The following ARHGEF11 variants were observed in gnomAD, a reference collection of about 807,000 sequenced individuals.
The protein encoded by ARHGEF11 is Rho guanine exchange factor (GEF) 11.
In ARHGEF11, 55 loss-of-function variants were observed where a neutral mutation model predicts 193.7. That is an observed-to-expected ratio of 0.28 (90% CI 0.23 to 0.36). The LOEUF (loss-of-function observed/expected upper bound fraction) is 0.36, where lower values mean the gene tolerates loss of function less well. Among genes scored for constraint, ARHGEF11 ranks in the 10% least tolerant of loss-of-function variants. ARHGEF11 has a pLI of 1.00. For missense variants in ARHGEF11, 1,723 were observed against 2,005.6 expected (o/e 0.86, Z 2.69); for synonymous variants, 693 against 768.0 (o/e 0.90, Z 1.62).
At chr1:157,001,182 C>T (rs1021138100) in intron 1 of ARHGEF11, among the ~76,000 whole-genome samples, 10 of 152,138 alleles carry the variant, frequency 6.6e-5, no homozygotes, top group African/African-American at 2.4e-4. Flanking sequence ...CGTATTCTAC[C>T]GTGTGATCTG....
intron 1 of ARHGEF11, among the ~76,000 whole-genome samples, chr1:156,994,775 C>T (rs1033441385): frequency 2.0e-5 from 3 of 152,168 alleles, no homozygotes; most frequent in Admixed American, 2.0e-4. Flanking sequence ...CCTTTCTTGG[C>T]TATGTAGTCT....
Position 156,937,441 on chromosome 1 carries a change from G to C in ARHGEF11, c.4248C>G (p.His1416Gln). The part of the protein sequence containing the change: ...PSGPPDSSTD[H>Q]SEAPMSPPQP... ...GAGGGGGGCTCATGGGTGCCTCTGAGTGGTCGGTGCTTGAGTCCGGGGGTC... is the reference window on the plus strand; with the variant it reads ...GAGGGGGGCTCATGGGTGCCTCTGACTGGTCGGTGCTTGAGTCCGGGGGTC... The change falls in exon 39 of 41, where the codon CAC becomes CAG. Residue 1416 changes from histidine (H) to glutamine (Q), a missense_variant. Transcript: ENST00000368194. The C allele has an allele frequency of 6.4e-7, 1 of 1,568,010 alleles. No homozygotes were observed. Among genetic ancestry groups the C allele is most frequent in the Non-Finnish European group, 8.6e-7 (1 of 1,159,808 alleles).
intron 1 of ARHGEF11, among the ~76,000 whole-genome samples, chr1:156,996,859 ATTT>A (rs60592654): frequency 1.4e-4 from 13 of 93,852 alleles, no homozygotes; most frequent in East Asian, 1.1e-3. Flanking sequence ...CTCTCTCTCT[ATTT>A]TTTTTTTTTT....
intron 1 of ARHGEF11, among the ~76,000 whole-genome samples, chr1:157,022,857 G>C (rs764273341): frequency 3.3e-5 from 5 of 152,148 alleles, no homozygotes; most frequent in Non-Finnish European, 7.4e-5. Context: ...TCACATTTAT[G>C]GGTCCACTGA....
chr1:156,981,768 C>T (rs1664215208), intron 3 of ARHGEF11, among the ~76,000 whole-genome samples: 1 of 152,216 alleles, frequency 6.6e-6, no homozygotes, highest in Admixed American at 6.5e-5. Context: ...TGTCACCTCG[C>T]CCAGCCTCAC....
At chr1:157,022,045 C>A (rs1377652477) in intron 1 of ARHGEF11, among the ~76,000 whole-genome samples, 2 of 152,172 alleles carry the variant, frequency 1.3e-5, no homozygotes, top group African/African-American at 2.4e-5. Context: ...AATCCTCTAC[C>A]TGATGAACAT....
At chr1:157,044,204 G>T in intron 1 of ARHGEF11, 95 bp downstream of exon 1, 2 of 1,191,672 alleles carry the variant, frequency 1.7e-6, no homozygotes, top group Non-Finnish European at 2.5e-6. Flanking sequence ...AGCCCACCCA[G>T]ACCCCTATTT....
At chr1:156,965,819 G>GA (rs1332793786) in intron 11 of ARHGEF11, among the ~76,000 whole-genome samples, 2 of 152,160 alleles carry the variant, frequency 1.3e-5, no homozygotes, top group African/African-American at 4.8e-5. Flanking sequence ...CTTAGGCCAT[G>GA]ATCCTCTCTT....
chr1:157,012,312 C>T (rs951216455), intron 1 of ARHGEF11, among the ~76,000 whole-genome samples: 9 of 152,012 alleles, frequency 5.9e-5, no homozygotes, highest in Non-Finnish European at 7.4e-5. Flanking sequence ...AGATTAATGG[C>T]TAACTGGGGC....
chr1:156,964,611 CT>C lies in ARHGEF11; in HGVS notation c.964-1018del, dbSNP rs1474461844. The stretch of plus-strand genomic sequence containing the variant: ...TTTATGGTCTCTATGCCCAGAATGA[CT>C]GAGTCACAGAACATGAGCGGCCCAG... On this transcript the variant is annotated intron_variant, in intron 11 of 40. Coordinates refer to ENST00000368194, the MANE Select transcript of ARHGEF11 (RefSeq NM_198236.3). Among the ~76,000 whole-genome samples, 7 of 152,280 alleles carry C rather than the reference CT, an allele frequency of 4.6e-5. No individual in the cohort carries two copies. In the East Asian group the frequency reaches 1.3e-3, roughly 29 times the overall value.
chr1:157,020,772 CA>C (rs1023966203), intron 1 of ARHGEF11, among the ~76,000 whole-genome samples: 134 of 152,266 alleles, frequency 8.8e-4, no homozygotes, highest in African/African-American at 3.2e-3. Context: ...AATGAATGGT[CA>C]TTTTTTTCCT....
rs1658226338 is a variant in ARHGEF11, at chr1:156,946,854, G to A, written c.2569-67C>T. 4.3e-6 allele frequency: 5 copies of A among 1,162,704 alleles called. No individual in the cohort carries two copies. In the Admixed American group the frequency reaches 1.1e-4, roughly 25 times the overall value. 72.0% of individuals were successfully genotyped at this position (1,162,704 alleles called of 1,614,324 possible). ...TGCCTGGGACCAGACCCCTGCCTTT[G>A]CCAAATTCTCTGGCCTTGGGTAATG... On this transcript the variant is annotated intron_variant, in intron 27 of 40. Coordinates refer to ENST00000368194, the MANE Select transcript of ARHGEF11 (RefSeq NM_198236.3).
At chr1:156,972,860 T>C (rs140751216) in intron 7 of ARHGEF11, among the ~76,000 whole-genome samples, 2 of 152,342 alleles carry the variant, frequency 1.3e-5, no homozygotes, top group African/African-American at 4.8e-5. Flanking sequence ...TGGGCTCTTC[T>C]TGGGCACTGT....
At chr1:157,013,263 T>TCACACACACACACACACACACACACACA (rs71084208) in intron 1 of ARHGEF11, among the ~76,000 whole-genome samples, 1 of 140,708 alleles carries the variant, frequency 7.1e-6, no homozygotes, top group Non-Finnish European at 1.5e-5. Flanking sequence ...CCACTATCAC[T>TCACACACACACACACACACACACACACA]CACACACACA....
At chr1:156,938,557 A>C in intron 37 of ARHGEF11, 44 bp from the exon 38 acceptor site, 2 of 1,577,214 alleles carry the variant, frequency 1.3e-6, no homozygotes, top group Non-Finnish European at 1.7e-6. Flanking sequence ...AGACCAAAAC[A>C]CAAGGAAAGG....
Position 156,984,602 on chromosome 1 carries a change from C to T in ARHGEF11, c.125-165G>A, listed in dbSNP as rs181062532. On this transcript the variant is annotated intron_variant, in intron 2 of 40. Coordinates refer to ENST00000368194, the MANE Select transcript of ARHGEF11 (RefSeq NM_198236.3). ...CTGTCTAAACACTATTGCAATGACA[C>T]GCCTCCCTTGGTGGTTGGCAAAACC... Among the ~76,000 whole-genome samples, 15 of 152,278 alleles carry T rather than the reference C, an allele frequency of 9.9e-5. No individual in the cohort carries two copies. The South Asian group carries it at 2.1e-3, about 21-fold the overall frequency.
chr1:156,936,325 G>A (rs1412713950), intron 40 of ARHGEF11: 3 of 625,372 alleles, frequency 4.8e-6, no homozygotes, highest in African/African-American at 1.8e-5. Flanking sequence ...GTGTGGTTCT[G>A]AATCATTTAA....
chr1:156,968,003 G>A lies in ARHGEF11; in HGVS notation c.947C>T (p.Pro316Leu). 6.2e-7 allele frequency: 1 copy of A among 1,614,194 alleles called. No individual in the cohort carries two copies. The highest frequency in any genetic ancestry group is 8.5e-7 in the Non-Finnish European group (1 of 1,180,034). Residue 316 changes from proline to leucine, a missense_variant, in exon 11 of 41, where the codon CCC (proline) becomes CTC (leucine). Around this residue, in one of 5 missense-constraint regions of ARHGEF11, gnomAD observed 646 missense variants for 710.7 expected, o/e 0.91. Coordinates refer to ENST00000368194, the MANE Select transcript of ARHGEF11 (RefSeq NM_198236.3). ...HRRQGSDAAV[P>L]STGDQGVDQS... ...ATCACTCACCTGGTCACCGGTTGAGGGGACTGCTGCATCCGAGCCCTGCCG... is the reference window on the plus strand; with the variant it reads ...ATCACTCACCTGGTCACCGGTTGAGAGGACTGCTGCATCCGAGCCCTGCCG...
upstream of ARHGEF11, among the ~76,000 whole-genome samples, chr1:157,046,191 C>T (rs1407185114): frequency 2.0e-5 from 3 of 151,024 alleles, no homozygotes; most frequent in Non-Finnish European, 3.0e-5. Context: ...GCGGGCGACC[C>T]CGGCCCTGAC....
Sources: gnomAD v4.1 joint callset for allele counts (sites outside exome capture counted in the v4.1 genomes callset) on GRCh38, gnomAD v4.1.1 for gene constraint, gnomAD v4.1.1 regional missense constraint, MANE v1.5 for transcripts, NCBI Gene and HGNC (gene_info 2026-07-23, HGNC 2026-07-21) for gene names.